Variants in GIGYF1 observed in about 807,000 individuals in gnomAD.
GIGYF1 encodes the protein GRB10 interacting GYF protein 1, also known as GRB10-interacting GYF protein 1.
A neutral mutation model predicts 147.1 loss-of-function variants in GIGYF1; 84 were observed. The ratio of observed to expected loss-of-function variants is 0.57; its 90% CI spans 0.48 to 0.68. GIGYF1 has a LOEUF of 0.68. Ranked by LOEUF, GIGYF1 falls within the 30% of genes least tolerant of loss-of-function variation. The pLI is 0.00. For synonymous variants in GIGYF1, 752 were observed against 589.5 expected, an observed-to-expected ratio of 1.28 and a Z score of -3.99; for missense variants, 1,485 against 1,393.7, an observed-to-expected ratio of 1.07 and a Z score of -1.04.
intron 1 of GIGYF1, chr7:100,693,880 G>C (rs1234795002): frequency 2.0e-5 from 3 of 151,738 alleles, no homozygotes; most frequent in African/African-American, 4.8e-5. Flanking sequence ...CCGGCTCTGG[G>C]GGAGGGTCCC....
At chr7:100,692,701 G>A (rs1805918085) in intron 1 of GIGYF1, among the ~76,000 whole-genome samples, 1 of 152,176 alleles carries the variant, frequency 6.6e-6, no homozygotes, top group African/African-American at 2.4e-5. Flanking sequence ...TTAAGCACAT[G>A]GTCCACTTGA....
chr7:100,692,533 C>T (rs891799770), intron 1 of GIGYF1, among the ~76,000 whole-genome samples: 1 of 152,244 alleles, frequency 6.6e-6, no homozygotes, highest in African/African-American at 2.4e-5. Context: ...TTTCAACATC[C>T]TTCATCTAGC....
intron 8 of GIGYF1, 81 bp downstream of exon 8, chr7:100,687,215 CCT>C (rs1359469906): frequency 1.1e-5 from 16 of 1,465,844 alleles, no homozygotes; most frequent in South Asian, 4.6e-5. Flanking sequence ...ATCTGGTGGG[CCT>C]CTGTTACCCT....
At chr7:100,692,186 G>A (rs1805882147) in intron 1 of GIGYF1, among the ~76,000 whole-genome samples, 1 of 152,216 alleles carries the variant, frequency 6.6e-6, no homozygotes, top group Non-Finnish European at 1.5e-5. Context: ...AGGACGCTGA[G>A]GCTTAAAAAA....
Position 100,683,366 on chromosome 7 carries a change from G to GGCGGCGCTTCTCCTC in GIGYF1, c.2116_2130dup (p.Glu706_Arg710dup), listed in dbSNP as rs770917522. 5.3e-5 allele frequency: 85 copies of GGCGGCGCTTCTCCTC among 1,613,582 alleles called. 1 individual carries two copies. The highest frequency in any genetic ancestry group is 6.9e-5 in the Non-Finnish European group (82 of 1,180,040). On this transcript the variant is annotated inframe_insertion, in exon 21 of 27. Transcript: ENST00000678049. ...CGCTTCTGCTCCTCCTGCTGCTGCT[G>GGCGGCGCTTCTCCTC]GCGGCGCTTCTCCTCTCGACGCTTG... is the stretch of plus-strand genomic sequence containing the variant.
intron 1 of GIGYF1, among the ~76,000 whole-genome samples, chr7:100,689,957 G>A (rs1333370080): frequency 2.0e-5 from 3 of 152,156 alleles, no homozygotes; most frequent in East Asian, 1.9e-4. Flanking sequence ...AAGGTAGAAG[G>A]GCAGCCACCA....
At position 100,687,853 on chromosome 7, in the gene GIGYF1, C is replaced by A; in HGVS notation, c.196G>T (p.Ala66Ser). 1 of 1,613,046 alleles carries A rather than the reference C, an allele frequency of 6.2e-7. No homozygotes were observed. The highest frequency in any genetic ancestry group is 8.5e-7 in the Non-Finnish European group (1 of 1,179,992). The change falls in exon 6 of 27, where the codon GCC becomes TCC. Residue 66 changes from alanine to serine, a missense_variant. By Grantham distance (99) the Ala-to-Ser change is moderately conservative. Coordinates refer to ENST00000678049, the MANE Select transcript of GIGYF1 (RefSeq NM_001375765.1). ...VPEELQDKEF[A>S]AVLQDEPLQP... ...AGTGGCTCGTCCTGCAGCACCGCGG[C>A]GAACTCCTTGTCCTGCAGCTCTTCC...
Position 100,688,279 on chromosome 7 carries a change from A to C in GIGYF1, c.-41T>G. ...GTTTGAGAGGCCGGGGGTGGGGAGG[A>C]GGGGACCTGGCGTTCACTGTCCAAA... On this transcript the variant is annotated 5_prime_UTR_variant, in exon 4 of 27. Transcript: ENST00000678049. 1.2e-4 allele frequency: 104 copies of C among 832,334 alleles called. No homozygotes were observed. Among genetic ancestry groups the C allele is most frequent in the Middle Eastern group, 2.9e-4 (1 of 3,504 alleles). 51.6% of individuals were successfully genotyped at this position (832,334 alleles called of 1,614,324 possible). A position where few individuals can be genotyped will look rare whatever the true frequency, so the allele number is the denominator to read the frequency against.
Position 100,688,767 on chromosome 7 carries a change from C to T in GIGYF1, c.-310G>A, listed in dbSNP as rs548446048. 318 of 293,260 alleles carry T rather than the reference C, an allele frequency of 1.1e-3. 2 individuals are homozygous for T. The highest frequency in any genetic ancestry group is 5.1e-3 in the South Asian group (170 of 33,520). 18.2% of individuals were successfully genotyped at this position (293,260 alleles called of 1,614,324 possible). ...GGGAGGGTTCAGGACATGGCTCTGC[C>T]GGCAGCCCTGCCCTGCCCCGCATGA... On this transcript the variant is annotated 5_prime_UTR_variant, in exon 2 of 27. Coordinates refer to ENST00000678049, the MANE Select transcript of GIGYF1 (RefSeq NM_001375765.1).
chr7:100,681,389 C>A lies in GIGYF1; in HGVS notation c.*330G>T. ...AAAAAAAAAACCAAAAAACAAAAAC[C>A]TCTGTGGACCTTCCATTGTCACACC... On this transcript the variant is annotated 3_prime_UTR_variant, in exon 27 of 27. Coordinates refer to ENST00000678049, the MANE Select transcript of GIGYF1 (RefSeq NM_001375765.1). 4.3e-6 allele frequency: 1 copy of A among 234,092 alleles called. No homozygotes were observed. The highest frequency in any genetic ancestry group is 8.1e-6 in the Non-Finnish European group (1 of 122,986). The allele number at this position is 234,092 out of a possible 1,614,324, so 14.5% of individuals were successfully genotyped here.
chr7:100,687,940 C>G, intron 5 of GIGYF1, 41 bp downstream of exon 5: 1 of 1,610,564 alleles, frequency 6.2e-7, no homozygotes, highest in Non-Finnish European at 8.5e-7. Context: ...CCTCCACAGG[C>G]AGAGGCCACC....
At chr7:100,686,947 T>G in intron 9 of GIGYF1, 59 bp downstream of exon 9, 2 of 1,607,796 alleles carry the variant, frequency 1.2e-6, no homozygotes, top group South Asian at 1.1e-5. Flanking sequence ...ACCCCCAGAC[T>G]GGGCCACCCA....
chr7:100,689,003 C>A lies in GIGYF1; in HGVS notation c.-546G>T, dbSNP rs1207316120. On this transcript the variant is annotated 5_prime_UTR_variant, in exon 2 of 27. Transcript: ENST00000678049. ...TAGCTTACAGAGAAAAGGTCAGTTACGGAGAAAAGGATTAGAAATAAATCT... is the reference window on the plus strand; with the variant it reads ...TAGCTTACAGAGAAAAGGTCAGTTAAGGAGAAAAGGATTAGAAATAAATCT... 1 of 152,860 alleles carries A rather than the reference C, an allele frequency of 6.5e-6. No individual in the cohort carries two copies. Among genetic ancestry groups the A allele is most frequent in the African/African-American group, 2.4e-5 (1 of 41,440 alleles). 9.5% of individuals were successfully genotyped at this position (152,860 alleles called of 1,614,324 possible). A position where few individuals can be genotyped will look rare whatever the true frequency, so the allele number is the denominator to read the frequency against.
intron 16 of GIGYF1, 27 bp from the exon 17 acceptor site, chr7:100,684,364 C>G (rs1489819948): frequency 6.3e-7 from 1 of 1,594,586 alleles, no homozygotes; most frequent in East Asian, 2.3e-5. Context: ...TCGGCCAGTG[C>G]CCCCAGCAGG....
rs922843389 is a variant in GIGYF1, at chr7:100,684,275, C to G, written c.1692G>C (p.Gln564His). The G allele has an allele frequency of 7.5e-6, 12 of 1,608,532 alleles. No homozygotes were observed. The Admixed American group carries it at 8.4e-5, about 11-fold the overall frequency. The part of the protein sequence containing the change: ...QQELAAAALY[Q>H]QLQHQQFLQL... Reference sequence around the variant, plus strand: ...GGAGAAACTGCTGGTGCTGCAGCTGCTGGTACAAGGCCGCCGCGGCCAGCT... The same window carrying G: ...GGAGAAACTGCTGGTGCTGCAGCTGGTGGTACAAGGCCGCCGCGGCCAGCT... The change falls in exon 17 of 27, where the codon CAG becomes CAC. Residue 564 changes from glutamine (Q) to histidine (H), a missense_variant. By Grantham distance (24) the Gln-to-His change is conservative. Transcript: ENST00000678049.
rs1433439861 is a variant in GIGYF1, at chr7:100,684,226, GC to G, written c.1730+10del. ...CGGGCCTTCTCCCAGCCCACCCCAGGCCCCCCATACCTGCTGACCAGCTGGA... is the reference window on the plus strand; with the variant it reads ...CGGGCCTTCTCCCAGCCCACCCCAGGCCCCCATACCTGCTGACCAGCTGGA... On this transcript the variant is annotated intron_variant, in intron 17 of 26. Coordinates refer to ENST00000678049, the MANE Select transcript of GIGYF1 (RefSeq NM_001375765.1). The G allele has an allele frequency of 6.2e-7, 1 of 1,609,996 alleles. No homozygotes were observed.
chr7:100,682,751 G>C lies in GIGYF1; in HGVS notation c.2439C>G (p.Pro813=). The change falls in exon 23 of 27, where the codon CCC becomes CCG. Residue 813 remains proline (P), a synonymous_variant. Transcript: ENST00000678049. ...CAGCCTCAGACACCCACTGGTTCAG[G>C]GGGGCAGTGCCCAGGCCCCCAAGCT... ...RVQLGGLGTA[P]LNQWVSEAGP... 1 of 1,539,930 alleles carries C rather than the reference G, an allele frequency of 6.5e-7. No individual in the cohort carries two copies. The highest frequency in any genetic ancestry group is 8.7e-7 in the Non-Finnish European group (1 of 1,145,284).
chr7:100,683,692 T>C, intron 19 of GIGYF1, 60 bp from the exon 20 acceptor site: 4 of 1,568,260 alleles, frequency 2.6e-6, no homozygotes, highest in Non-Finnish European at 8.8e-7. Flanking sequence ...ACTGATCTAG[T>C]CCAGCCGCAG....
Position 100,680,135 on chromosome 7 carries a change from C to T in GIGYF1, c.*1584G>A, listed in dbSNP as rs1804587829. On this transcript the variant is annotated 3_prime_UTR_variant, in exon 27 of 27. Coordinates refer to ENST00000678049, the MANE Select transcript of GIGYF1 (RefSeq NM_001375765.1). ...CCCCACCCCGAGGCCAGCTTGATCCCCCAACACTGACCTAGTTGCCACTTT... is the reference window on the plus strand; with the variant it reads ...CCCCACCCCGAGGCCAGCTTGATCCTCCAACACTGACCTAGTTGCCACTTT... 6.7e-6 allele frequency: 1 copy of T among 148,648 alleles called. No homozygotes were observed. Among genetic ancestry groups the T allele is most frequent in the Non-Finnish European group, 1.5e-5 (1 of 67,452 alleles). The allele number at this position is 148,648 out of a possible 1,614,324, so 9.2% of individuals were successfully genotyped here.
Sources: gnomAD v4.1 joint callset for allele counts (sites outside exome capture counted in the v4.1 genomes callset) on GRCh38, gnomAD v4.1.1 for gene constraint, MANE v1.5 for transcripts, NCBI Gene and HGNC (gene_info 2026-07-23, HGNC 2026-07-21) for gene names.